FOXP1: variants seen among roughly 807,000 people sequenced by gnomAD.
The protein encoded by FOXP1 is forkhead box P1, also known as forkhead box protein P1.
A neutral mutation model predicts 98.2 loss-of-function variants in FOXP1; 15 were observed. The ratio of observed to expected loss-of-function variants is 0.15; its 90% CI spans 0.10 to 0.24. The LOEUF (loss-of-function observed/expected upper bound fraction) is 0.24, where lower values mean the gene tolerates loss of function less well. FOXP1 is among the 10% of genes least tolerant of loss of function. The pLI is 1.00. For synonymous variants in FOXP1, 371 were observed against 314.5 expected (o/e 1.18, Z -1.90); for missense variants, 633 against 848.5 (o/e 0.75, Z 3.15).
chr3:71,239,778 C>A (rs913045500), intron 5 of FOXP1, among the ~76,000 whole-genome samples: 1 of 152,288 alleles, frequency 6.6e-6, no homozygotes, highest in African/African-American at 2.4e-5. Context: ...AGTGTGACAG[C>A]CTTTGCTTAA....
At chr3:71,257,335 G>T (rs1477681148) in intron 5 of FOXP1, among the ~76,000 whole-genome samples, 2 of 152,106 alleles carry the variant, frequency 1.3e-5, no homozygotes, top group Non-Finnish European at 2.9e-5. Flanking sequence ...CCAACACTTT[G>T]GGAGGCCGAG....
chr3:71,235,143 C>A (rs2066668221), intron 5 of FOXP1, among the ~76,000 whole-genome samples: 2 of 151,536 alleles, frequency 1.3e-5, no homozygotes, highest in South Asian at 4.2e-4. Flanking sequence ...AAAAAAAAAT[C>A]TTAGCAAAGC....
In FOXP1 at chr3:71,239,915, GA is replaced by G. The variant is rs370259602; in HGVS notation, c.-11-41524del. On this transcript the variant is annotated intron_variant, in intron 5 of 20. Transcript: ENST00000649528. ...GTACAATTTGCCATGGCAATACCAG[GA>G]AATTTCTGCCTGTCAAAATATTAGA... 5.2e-4 allele frequency among the ~76,000 whole-genome samples: 79 copies of G among 152,302 alleles called. No individual in the cohort carries two copies. The South Asian group carries it at 0.016, about 30-fold the overall frequency.
intron 3 of FOXP1, among the ~76,000 whole-genome samples, chr3:71,382,372 G>T (rs2108060182): frequency 6.6e-6 from 1 of 152,220 alleles, no homozygotes; most frequent in African/African-American, 2.4e-5. Flanking sequence ...TTCCAAACGG[G>T]ACCAACTGAC....
chr3:71,400,334 A>G (rs982302156), intron 3 of FOXP1, among the ~76,000 whole-genome samples: 3 of 150,264 alleles, frequency 2.0e-5, no homozygotes, highest in African/African-American at 4.9e-5. Context: ...TAAGGCATAC[A>G]CCTTCTCTGT....
chr3:71,057,313 TTTTTTTTTTTTTTTC>T, intron 7 of FOXP1, among the ~76,000 whole-genome samples: 1 of 131,260 alleles, frequency 7.6e-6, no homozygotes, highest in Non-Finnish European at 1.6e-5. Flanking sequence ...TTTTTTTTTT[TTTTTTTTTTTTTTTC>T]AGATTTCATG....
intron 4 of FOXP1, among the ~76,000 whole-genome samples, chr3:71,301,611 T>C (rs930622831): frequency 4.6e-5 from 7 of 152,210 alleles, no homozygotes; most frequent in African/African-American, 1.7e-4. Flanking sequence ...GCTGTGTCTA[T>C]TTTTGCATGT....
intron 7 of FOXP1, among the ~76,000 whole-genome samples, chr3:71,071,521 C>T (rs1388566532): frequency 1.3e-5 from 2 of 152,172 alleles, no homozygotes; most frequent in African/African-American, 2.4e-5. Context: ...CACCTCTCTG[C>T]GCCTGCACAT....
chr3:71,375,868 G>A (rs767776232), intron 3 of FOXP1, among the ~76,000 whole-genome samples: 10 of 152,156 alleles, frequency 6.6e-5, no homozygotes, highest in Non-Finnish European at 1.3e-4. Flanking sequence ...GGTGTCACTG[G>A]AGTGTTAACC....
intron 9 of FOXP1, among the ~76,000 whole-genome samples, chr3:71,050,170 T>C (rs184124271): frequency 1.9e-4 from 29 of 152,290 alleles, no homozygotes; most frequent in Admixed American, 1.9e-3. Flanking sequence ...ACCACTATCA[T>C]CTTTGTGCTC....
rs142956636 is a variant in FOXP1 at position 70,956,732 on chromosome 3, GTTTTTTTTTTTT to G, written c.*2503_*2514del. 0.015 allele frequency: 490 copies of G among 32,774 alleles called. 4 individuals carry two copies. The highest frequency in any genetic ancestry group is 0.038 in the African/African-American group (372 of 9,756). The allele number at this position is 32,774 out of a possible 1,614,324, so 2.0% of individuals were successfully genotyped here. A position where few individuals can be genotyped will look rare whatever the true frequency, so the allele number is the denominator to read the frequency against. ...GCACATCATGAAGCTGCCTGGAAAA[GTTTTTTTTTTTT>G]TTTTTTTTTTTTTTTTTTTTTTTTT... On this transcript the variant is annotated 3_prime_UTR_variant, in exon 21 of 21. Coordinates refer to ENST00000649528, the MANE Select transcript of FOXP1 (RefSeq NM_001349338.3).
At chr3:71,102,496 AT>A (rs1322191490) in intron 7 of FOXP1, among the ~76,000 whole-genome samples, 7 of 152,094 alleles carry the variant, frequency 4.6e-5, no homozygotes, top group African/African-American at 1.7e-4. Context: ...CGGTACACAA[AT>A]TTCCCAAACT....
At chr3:71,487,731 T>C (rs954683275) in intron 3 of FOXP1, among the ~76,000 whole-genome samples, 3 of 152,202 alleles carry the variant, frequency 2.0e-5, no homozygotes, top group African/African-American at 4.8e-5. Flanking sequence ...AACGAAAGTC[T>C]GCCCAATACA....
intron 7 of FOXP1, among the ~76,000 whole-genome samples, chr3:71,075,133 T>G (rs986146790): frequency 6.6e-6 from 1 of 152,202 alleles, no homozygotes; most frequent in African/African-American, 2.4e-5. Flanking sequence ...TTCAGCATGG[T>G]GACTCTGGAG....
At chr3:71,214,332 G>A (rs918483893) in intron 5 of FOXP1, among the ~76,000 whole-genome samples, 2 of 152,192 alleles carry the variant, frequency 1.3e-5, no homozygotes. Context: ...ACATGCCAAC[G>A]AGAAAGACAG....
rs1001038090 is a variant in FOXP1 at position 71,112,446 on chromosome 3, T to C, written c.282+90A>G. Reference sequence around the variant, plus strand: ...TTCCACAGAAGATTTTCTTACATGATTTGCAATGCTCAACACAATCCACTC... The same window carrying C: ...TTCCACAGAAGATTTTCTTACATGACTTGCAATGCTCAACACAATCCACTC... On this transcript the variant is annotated intron_variant, in intron 7 of 20. Transcript: ENST00000649528. The C allele has an allele frequency of 2.3e-5, 24 of 1,031,558 alleles. No individual in the cohort carries two copies. In the Admixed American group the frequency reaches 4.2e-4, roughly 18 times the overall value. 63.9% of individuals were successfully genotyped at this position (1,031,558 alleles called of 1,614,324 possible).
At chr3:71,081,668 A>G (rs2054433697) in intron 7 of FOXP1, among the ~76,000 whole-genome samples, 1 of 152,242 alleles carries the variant, frequency 6.6e-6, no homozygotes, top group Non-Finnish European at 1.5e-5. Flanking sequence ...TGTTGGAAGG[A>G]GCAGTGCTTT....
intron 4 of FOXP1, among the ~76,000 whole-genome samples, chr3:71,350,288 C>T (rs1033932882): frequency 3.9e-5 from 6 of 152,066 alleles, no homozygotes; most frequent in African/African-American, 1.4e-4. Context: ...CCAAAAAGAC[C>T]GTCTTTCCCT....
At chr3:71,160,694 G>T (rs1389993287) in intron 6 of FOXP1, among the ~76,000 whole-genome samples, 4 of 152,090 alleles carry the variant, frequency 2.6e-5, no homozygotes, top group Non-Finnish European at 5.9e-5. Flanking sequence ...TTACCTCATG[G>T]GACTGCACAG....
Sources: allele counts gnomAD v4.1 joint callset (sites outside exome capture counted in the v4.1 genomes callset), GRCh38; gene constraint gnomAD v4.1.1; transcripts MANE v1.5; gene names NCBI Gene and HGNC (gene_info 2026-07-23, HGNC 2026-07-21).